ATOSA: variants seen among roughly 807,000 people sequenced by gnomAD.
ATOSA encodes the protein atos homolog protein A.
At chr15:52,638,126 T>G in the ATOSA span, among the ~76,000 whole-genome samples, 6 of 152,212 alleles carry the variant, frequency 3.9e-5, no homozygotes, top group Non-Finnish European at 8.8e-5. Flanking sequence ...TGAGAAGGTT[T>G]ACAATGTTAT....
the ATOSA span, among the ~76,000 whole-genome samples, chr15:52,670,563 T>C: frequency 6.6e-6 from 1 of 152,202 alleles, no homozygotes; most frequent in Non-Finnish European, 1.5e-5. Flanking sequence ...AATATGACCA[T>C]CATTTCAACA....
the ATOSA span, chr15:52,586,280 A>T: frequency 6.6e-6 from 1 of 151,878 alleles, no homozygotes; most frequent in Non-Finnish European, 1.5e-5. Flanking sequence ...ACACGTACAC[A>T]TGTTACATAC....
chr15:52,636,481 G>A, the ATOSA span, among the ~76,000 whole-genome samples: 11 of 152,188 alleles, frequency 7.2e-5, no homozygotes, highest in African/African-American at 2.6e-4. Flanking sequence ...TCCTAATCCC[G>A]TACAACTGGG....
At chr15:52,630,088 T>A in the ATOSA span, among the ~76,000 whole-genome samples, 1 of 152,156 alleles carries the variant, frequency 6.6e-6, no homozygotes, top group Non-Finnish European at 1.5e-5. Context: ...CTGAACAAGT[T>A]CTTTTCCCAG....
chr15:52,628,711 G>A, the ATOSA span, among the ~76,000 whole-genome samples: 7 of 152,044 alleles, frequency 4.6e-5, no homozygotes, highest in African/African-American at 1.4e-4. Context: ...AAGCTTACAT[G>A]ACAAAGAAAT....
the ATOSA span, chr15:52,611,350 A>C: frequency 2.0e-6 from 3 of 1,482,838 alleles, no homozygotes; most frequent in South Asian, 3.9e-5. Flanking sequence ...CTTATCACTC[A>C]GGATTTGTGC....
chr15:52,586,085 A>G, the ATOSA span: 13 of 152,318 alleles, frequency 8.5e-5, no homozygotes, highest in African/African-American at 2.9e-4. Context: ...ATGATTCATT[A>G]TTATCACAAC....
chr15:52,643,954 A>T, the ATOSA span, among the ~76,000 whole-genome samples: 17 of 152,288 alleles, frequency 1.1e-4, no homozygotes, highest in African/African-American at 4.1e-4. Context: ...CCTGTATTTT[A>T]AAGGTTTAAA....
chr15:52,658,897 A>C, the ATOSA span: 1 of 395,192 alleles, frequency 2.5e-6, no homozygotes. Context: ...AGGCAGAAGG[A>C]TTGCTTGAGC....
chr15:52,664,610 C>T, the ATOSA span, among the ~76,000 whole-genome samples: 5 of 152,142 alleles, frequency 3.3e-5, no homozygotes, highest in Non-Finnish European at 7.4e-5. Flanking sequence ...TTCCACTGCC[C>T]TAATTGCCAC....
chr15:52,641,704 A>G, the ATOSA span, among the ~76,000 whole-genome samples: 3 of 152,256 alleles, frequency 2.0e-5, no homozygotes, highest in East Asian at 5.8e-4. Context: ...ATGGAAAATT[A>G]TAATTGTAAA....
chr15:52,631,866 T>A, the ATOSA span, among the ~76,000 whole-genome samples: 1 of 152,164 alleles, frequency 6.6e-6, no homozygotes, highest in South Asian at 2.1e-4. Flanking sequence ...GGCTCCCAAG[T>A]AGCTAGGACT....
the ATOSA span, among the ~76,000 whole-genome samples, chr15:52,687,532 G>T: frequency 6.6e-6 from 1 of 152,218 alleles, no homozygotes; most frequent in Non-Finnish European, 1.5e-5. Flanking sequence ...GCTAAGGAAA[G>T]AAAAGAACAT....
chr15:52,619,414 G>A, the ATOSA span, among the ~76,000 whole-genome samples: 4 of 152,108 alleles, frequency 2.6e-5, no homozygotes, highest in South Asian at 4.1e-4. Context: ...TTTTGAGGAC[G>A]TAGCTCACAC....
At chr15:52,590,008 G>T in the ATOSA span, among the ~76,000 whole-genome samples, 1 of 152,026 alleles carries the variant, frequency 6.6e-6, no homozygotes, top group Non-Finnish European at 1.5e-5. Flanking sequence ...GGCTGGTCTT[G>T]AACTCCTGAC....
At chr15:52,611,020 C>CT in the ATOSA span, 1 of 1,277,952 alleles carries the variant, frequency 7.8e-7, no homozygotes, top group Non-Finnish European at 1.1e-6. Flanking sequence ...ATTTTATCCA[C>CT]TTACATTTAG....
At chr15:52,661,639 ATGT>A in the ATOSA span, among the ~76,000 whole-genome samples, 4 of 152,280 alleles carry the variant, frequency 2.6e-5, no homozygotes, top group East Asian at 1.9e-4. Flanking sequence ...TGTAACCTGA[ATGT>A]TGTTGTTTTG....
At chr15:52,582,366 A>T in the ATOSA span, 41 of 1,398,562 alleles carry the variant, frequency 2.9e-5, 1 homozygote, top group Admixed American at 9.8e-5. Context: ...AAGAAACTAG[A>T]ATAATTAAAA....
the ATOSA span, among the ~76,000 whole-genome samples, chr15:52,660,779 G>A: frequency 1.3e-5 from 2 of 152,112 alleles, no homozygotes; most frequent in African/African-American, 4.8e-5. Context: ...AGCCTCCTGA[G>A]GAGCTGGGAT....
Sources: allele counts gnomAD v4.1 joint callset (sites outside exome capture counted in the v4.1 genomes callset), GRCh38; gene constraint gnomAD v4.1.1; transcripts MANE v1.5; gene names NCBI Gene and HGNC (gene_info 2026-07-23, HGNC 2026-07-21).